Variants in PCDH10 observed in about 807,000 individuals in gnomAD.
The protein encoded by PCDH10 is protocadherin-10.
PCDH10 carries 15 observed loss-of-function variants against 74.4 expected under a neutral mutation model. The observed-to-expected ratio is 0.20, with a 90% CI of 0.13 to 0.31. The LOEUF (loss-of-function observed/expected upper bound fraction) is 0.31. Among genes scored for constraint, PCDH10 ranks in the 10% least tolerant of loss-of-function variants. The pLI is 1.00. For missense variants in PCDH10, 1,260 were observed against 1,390.2 expected, an observed-to-expected ratio of 0.91 and a Z score of 1.49; for synonymous variants, 619 against 589.8, an observed-to-expected ratio of 1.05 and a Z score of -0.72.
chr4:133,199,873 C>T (rs996971640), intron 2 of PCDH10, among the ~76,000 whole-genome samples: 5 of 150,698 alleles, frequency 3.3e-5, no homozygotes, highest in Non-Finnish European at 7.4e-5. Context: ...TCTCGGCTCA[C>T]TGCAAGTTCC....
At chr4:133,182,587 G>A (rs1411529679) in intron 4 of PCDH10, among the ~76,000 whole-genome samples, 7 of 151,904 alleles carry the variant, frequency 4.6e-5, no homozygotes, top group Non-Finnish European at 8.8e-5. Flanking sequence ...ATATTTTAGT[G>A]GACTCTGATG....
At chr4:133,157,081 A>AT (rs1726882806) in intron 3 of PCDH10, among the ~76,000 whole-genome samples, 1 of 152,204 alleles carries the variant, frequency 6.6e-6, no homozygotes, top group South Asian at 2.1e-4. Flanking sequence ...TAAACATGTA[A>AT]AAGTGTTACA....
intron 4 of PCDH10, among the ~76,000 whole-genome samples, chr4:133,174,835 C>G (rs1176286695): frequency 6.6e-6 from 1 of 150,900 alleles, no homozygotes. Flanking sequence ...ATAATATTAA[C>G]TCCTATGGAA....
At chr4:133,172,341 T>A (rs763188105) in intron 4 of PCDH10, among the ~76,000 whole-genome samples, 60 of 152,160 alleles carry the variant, frequency 3.9e-4, no homozygotes, top group Middle Eastern at 3.4e-3. Flanking sequence ...TTTCCATAAT[T>A]TTCTCACATA....
At chr4:133,167,945 T>C (rs1727120496) in intron 4 of PCDH10, among the ~76,000 whole-genome samples, 1 of 151,342 alleles carries the variant, frequency 6.6e-6, no homozygotes, top group African/African-American at 2.4e-5. Context: ...TTGAACCCTG[T>C]TCATTTTCTC....
chr4:133,204,452 CTA>C (rs1727963859), intron 2 of PCDH10, among the ~76,000 whole-genome samples: 4 of 152,174 alleles, frequency 2.6e-5, no homozygotes, highest in Non-Finnish European at 5.9e-5. Context: ...TGTGTTGTCA[CTA>C]CTTTTATGGG....
intron 3 of PCDH10, among the ~76,000 whole-genome samples, chr4:133,156,318 C>A (rs989335718): frequency 6.6e-6 from 1 of 152,186 alleles, no homozygotes; most frequent in African/African-American, 2.4e-5. Flanking sequence ...AAAGGCTGCT[C>A]AAGGGTCTCT....
chr4:133,152,463 G>T lies in PCDH10; in HGVS notation c.2323G>T (p.Ala775Ser). Residue 775 changes from alanine (A) to serine (S), a missense_variant, in exon 1 of 5, where the codon GCC becomes TCC. By Grantham distance (99) the Ala-to-Ser change is moderately conservative. Coordinates refer to ENST00000264360, the MANE Select transcript of PCDH10 (RefSeq NM_032961.3). ...AGGTTCGACCTGCTGTGGCCGCCAA[G>T]CCCGGGCGCGCAAGAAGAAACTCAG... ...GGGSTCCGRQ[A>S]RARKKKLSKS... 3 of 1,614,110 alleles carry T rather than the reference G, an allele frequency of 1.9e-6. No individual in the cohort carries two copies. Among genetic ancestry groups the T allele is most frequent in the Non-Finnish European group, 2.5e-6 (3 of 1,180,014 alleles).
chr4:133,152,514 A>G lies in PCDH10; in HGVS notation c.2374A>G (p.Ser792Gly), dbSNP rs1726746069. The change falls in exon 1 of 5, where the codon AGC (serine) becomes GGC (glycine). Residue 792 changes from serine (S) to glycine (G), a missense_variant. Ser to Gly is a moderately conservative substitution (Grantham distance 56). Coordinates refer to ENST00000264360, the MANE Select transcript of PCDH10 (RefSeq NM_032961.3). ...CAAGTCAGACATCATGCTGGTGCAG[A>G]GCTCCAATGTACCCAGTAACCCGGC... ...LSKSDIMLVQSSNVPSNPAQV... is the reference protein window; with the variant it reads ...LSKSDIMLVQGSNVPSNPAQV... 6.2e-7 allele frequency: 1 copy of G among 1,614,092 alleles called. No individual in the cohort carries two copies. The highest frequency in any genetic ancestry group is 8.5e-7 in the Non-Finnish European group (1 of 1,179,996).
At chr4:133,160,540 T>A (rs566078747) in intron 3 of PCDH10, among the ~76,000 whole-genome samples, 2 of 151,032 alleles carry the variant, frequency 1.3e-5, no homozygotes, top group Non-Finnish European at 3.0e-5. Context: ...AAAAACATAC[T>A]TGCCAGATAG....
downstream of PCDH10, chr4:133,194,745 AG>A (rs1727757067): frequency 6.6e-6 from 1 of 151,960 alleles, no homozygotes; most frequent in Non-Finnish European, 1.5e-5. Flanking sequence ...AACAGGTCTA[AG>A]GGGACATCTG....
At chr4:133,155,789 C>T (rs969658903) in intron 3 of PCDH10, among the ~76,000 whole-genome samples, 1 of 152,016 alleles carries the variant, frequency 6.6e-6, no homozygotes, top group Non-Finnish European at 1.5e-5. Flanking sequence ...TTTATGAGAT[C>T]CTGGTAACTC....
At chr4:133,197,481 T>C (rs1727819135), downstream of PCDH10, among the ~76,000 whole-genome samples, 1 of 152,190 alleles carries the variant, frequency 6.6e-6, no homozygotes, top group South Asian at 2.1e-4. Context: ...ATTAAAAGTT[T>C]TATCTCCTTG....
chr4:133,194,509 T>C lies in PCDH10; in HGVS notation c.*4349T>C, dbSNP rs1727751945. On this transcript the variant is annotated 3_prime_UTR_variant, in exon 5 of 5. Coordinates refer to ENST00000264360, the MANE Select transcript of PCDH10 (RefSeq NM_032961.3). ...CAATCTTAACTACAGTGTTTGTTAC[T>C]GTGAATGCTATAATAATACATAAGT... 6.6e-6 allele frequency: 1 copy of C among 151,906 alleles called. No homozygotes were observed. Among genetic ancestry groups the C allele is most frequent in the Non-Finnish European group, 1.5e-5 (1 of 67,836 alleles). 9.4% of individuals were successfully genotyped at this position (151,906 alleles called of 1,614,324 possible). A position where few individuals can be genotyped will look rare whatever the true frequency, so the allele number is the denominator to read the frequency against.
At chr4:133,182,425 A>G (rs1409129229) in intron 4 of PCDH10, among the ~76,000 whole-genome samples, 1 of 152,132 alleles carries the variant, frequency 6.6e-6, no homozygotes, top group African/African-American at 2.4e-5. Flanking sequence ...TACACACAAT[A>G]CTGATAAAGT....
In PCDH10 at chr4:133,163,295, C is replaced by T. The variant is rs1419671440; in HGVS notation, c.3103+13C>T. 2 of 1,590,532 alleles carry T rather than the reference C, an allele frequency of 1.3e-6. No individual in the cohort carries two copies. The highest frequency in any genetic ancestry group is 1.7e-6 in the Non-Finnish European group (2 of 1,166,768). On this transcript the variant is annotated intron_variant, in intron 4 of 4. Coordinates refer to ENST00000264360, the MANE Select transcript of PCDH10 (RefSeq NM_032961.3). ...CCACCATATTTGAGTAAGTATTACA[C>T]AAAGGGCTCTGTTAAAGTGTTCCCT... is the stretch of plus-strand genomic sequence containing the variant.
chr4:133,182,092 G>A (rs568429670), intron 4 of PCDH10, among the ~76,000 whole-genome samples: 13 of 151,788 alleles, frequency 8.6e-5, no homozygotes, highest in South Asian at 4.2e-4. Flanking sequence ...CTTGATTTTC[G>A]TATAAAAGAT....
At chr4:133,166,736 A>G (rs1393674015) in intron 4 of PCDH10, among the ~76,000 whole-genome samples, 2 of 151,640 alleles carry the variant, frequency 1.3e-5, no homozygotes, top group African/African-American at 2.4e-5. Flanking sequence ...AGCTTAAACT[A>G]TACAGTAATA....
In PCDH10 at chr4:133,151,079, C is replaced by T. The variant is rs769286962; in HGVS notation, c.939C>T (p.Ser313=). 4 of 1,614,084 alleles carry T rather than the reference C, an allele frequency of 2.5e-6. No homozygotes were observed. In the East Asian group the frequency reaches 6.7e-5, roughly 27 times the overall value. Residue 313 remains serine, a synonymous_variant, in exon 1 of 5, where the codon AGC becomes AGT. Coordinates refer to ENST00000264360, the MANE Select transcript of PCDH10 (RefSeq NM_032961.3). ...LSPRTGRLEV[S]GELDYEESPV... ...CGCGCACTGGCAGACTGGAGGTAAG[C>T]GGCGAGTTGGACTATGAAGAGAGCC... is the stretch of plus-strand genomic sequence containing the variant.
Sources: allele counts gnomAD v4.1 joint callset (sites outside exome capture counted in the v4.1 genomes callset), GRCh38; gene constraint gnomAD v4.1.1; transcripts MANE v1.5; gene names NCBI Gene and HGNC (gene_info 2026-07-23, HGNC 2026-07-21).